The following BCAS3 variants were observed in gnomAD, a reference collection of about 807,000 sequenced individuals.
BCAS3 encodes the protein BCAS3 microtubule associated cell migration factor.
BCAS3 carries 53 observed loss-of-function variants against 116.1 expected under a neutral mutation model. The ratio of observed to expected loss-of-function variants is 0.46; its 90% CI spans 0.37 to 0.57. BCAS3 has a LOEUF of 0.57. Among genes scored for constraint, BCAS3 ranks in the 20% least tolerant of loss-of-function variants. BCAS3 has a pLI of 0.00. For missense variants in BCAS3, 917 were observed against 1,165.4 expected (o/e 0.79, Z 3.10); for synonymous variants, 391 against 408.2 (o/e 0.96, Z 0.51).
chr17:60,833,181 T>C (rs980649808), intron 7 of BCAS3, among the ~76,000 whole-genome samples: 1 of 152,202 alleles, frequency 6.6e-6, no homozygotes, highest in African/African-American at 2.4e-5. Context: ...TTATATATTC[T>C]AAAAGAATCC....
rs55736464 is a variant in BCAS3, at chr17:61,070,366, AAT to A, written c.2030-4521_2030-4520del. On this transcript the variant is annotated intron_variant, in intron 19 of 23. Transcript: ENST00000407086. Reference sequence around the variant, plus strand: ...AACTGAGTCCAGCTGCCTAATTCTGAATATATATATATATATATATATATATA... The same window carrying A: ...AACTGAGTCCAGCTGCCTAATTCTGAATATATATATATATATATATATATA... 4.4e-3 allele frequency: 1,389 copies of A among 313,998 alleles called. 48 individuals carry two copies. Among genetic ancestry groups the A allele is most frequent in the East Asian group, 0.023 (249 of 10,934 alleles). The allele number at this position is 313,998 out of a possible 1,614,324, so 19.5% of individuals were successfully genotyped here.
chr17:61,064,804 C>CT (rs2070438450), intron 19 of BCAS3, among the ~76,000 whole-genome samples: 2 of 152,130 alleles, frequency 1.3e-5, no homozygotes, highest in South Asian at 4.1e-4. Flanking sequence ...ATCTATGGTA[C>CT]TACAGGGTCA....
intron 7 of BCAS3, among the ~76,000 whole-genome samples, chr17:60,808,688 G>A (rs186311522): frequency 1.3e-5 from 2 of 152,268 alleles, no homozygotes; most frequent in Non-Finnish European, 1.5e-5. Flanking sequence ...GCACTTTGCC[G>A]GGTGTAGGAT....
rs2143453959 is a variant in BCAS3 at position 61,362,099 on chromosome 17, G to A, written c.2426-6228G>A. Among the ~76,000 whole-genome samples, 1 of 152,306 alleles carries A rather than the reference G, an allele frequency of 6.6e-6. No individual in the cohort carries two copies. The highest frequency in any genetic ancestry group is 2.1e-4 in the South Asian group (1 of 4,818). ...ATGAAATTGACCATTGCACCAAGAA[G>A]AGCTAATGTCCTCAGCCTGTGCTTA... On this transcript the variant is annotated intron_variant, in intron 22 of 23. Transcript: ENST00000407086. The surrounding 1 kb of genome is among the most constrained non-coding windows in gnomAD (Gnocchi z 4.4).
At chr17:60,771,364 G>GC (rs964790157) in intron 6 of BCAS3, among the ~76,000 whole-genome samples, 3 of 152,106 alleles carry the variant, frequency 2.0e-5, no homozygotes, top group African/African-American at 7.2e-5. Context: ...ACGTAGAAAA[G>GC]CCGTTCTCCT....
In BCAS3 at chr17:60,801,383, T is replaced by A. The variant is rs187226724; in HGVS notation, c.404-6621T>A. ...GGACTAACTGATTCTAGTTTTTTTT[T>A]AATTTTTTTTGTTGATTCCTCTGTA... is the stretch of plus-strand genomic sequence containing the variant. On this transcript the variant is annotated intron_variant, in intron 6 of 23. Transcript: ENST00000407086. Among the ~76,000 whole-genome samples the A allele has an allele frequency of 3.3e-3, 500 of 152,288 alleles. 1 individual carries two copies. The highest frequency in any genetic ancestry group is 8.0e-3 in the African/African-American group (333 of 41,568).
At chr17:60,787,229 G>A (rs1246438151) in intron 6 of BCAS3, among the ~76,000 whole-genome samples, 2 of 152,154 alleles carry the variant, frequency 1.3e-5, no homozygotes, top group African/African-American at 4.8e-5. Context: ...GTATACAGTT[G>A]TAATCTATAC....
At chr17:60,773,886 A>G (rs560513309) in intron 6 of BCAS3, among the ~76,000 whole-genome samples, 52 of 152,206 alleles carry the variant, frequency 3.4e-4, no homozygotes, top group Non-Finnish European at 6.3e-4. Context: ...CACTTAAGTG[A>G]TTGGCCTGCC....
At chr17:60,999,088 T>C (rs754280531) in intron 15 of BCAS3, among the ~76,000 whole-genome samples, 5 of 152,200 alleles carry the variant, frequency 3.3e-5, no homozygotes, top group African/African-American at 2.4e-5. Context: ...CCTTTCCCCA[T>C]TGTTTATTTT....
chr17:61,060,303 T>C (rs1051006916), intron 19 of BCAS3, among the ~76,000 whole-genome samples: 5 of 150,706 alleles, frequency 3.3e-5, no homozygotes, highest in African/African-American at 4.9e-5. Context: ...ATTTTTTTTT[T>C]TTTGTGTATT....
chr17:60,763,228 C>G (rs1238435388), intron 6 of BCAS3, among the ~76,000 whole-genome samples: 1 of 152,158 alleles, frequency 6.6e-6, no homozygotes, highest in Non-Finnish European at 1.5e-5. Flanking sequence ...ACTTCCAACA[C>G]TATGTTGAAT....
chr17:61,101,394 A>G (rs2074319989), intron 22 of BCAS3, among the ~76,000 whole-genome samples: 1 of 152,148 alleles, frequency 6.6e-6, no homozygotes, highest in Non-Finnish European at 1.5e-5. Context: ...GAAAATTCAA[A>G]CTAAAGGAAT....
At chr17:60,823,727 G>T (rs939808171) in intron 7 of BCAS3, among the ~76,000 whole-genome samples, 2 of 152,188 alleles carry the variant, frequency 1.3e-5, no homozygotes, top group Non-Finnish European at 2.9e-5. Context: ...TTTGAGAAAT[G>T]TAAATTGTAT....
intron 11 of BCAS3, among the ~76,000 whole-genome samples, chr17:60,907,835 A>T (rs1446424853): frequency 1.3e-5 from 2 of 152,202 alleles, no homozygotes; most frequent in African/African-American, 4.8e-5. Flanking sequence ...TACTCTGTCT[A>T]CTAAAATTAA....
intron 7 of BCAS3, among the ~76,000 whole-genome samples, chr17:60,848,596 T>G (rs74562015): frequency 1.1e-3 from 173 of 152,332 alleles, no homozygotes; most frequent in African/African-American, 3.9e-3. Flanking sequence ...TGGGCATCCT[T>G]GTCTTGTTCC....
At chr17:60,862,140 G>A (rs919109909) in intron 7 of BCAS3, among the ~76,000 whole-genome samples, 12 of 152,086 alleles carry the variant, frequency 7.9e-5, no homozygotes, top group African/African-American at 2.9e-4. Flanking sequence ...AAAATTAGCC[G>A]GGCATGGTGG....
At chr17:61,005,342 A>G (rs923373005) in intron 15 of BCAS3, among the ~76,000 whole-genome samples, 1 of 151,994 alleles carries the variant, frequency 6.6e-6, no homozygotes, top group Non-Finnish European at 1.5e-5. Flanking sequence ...AGGCAGCTAA[A>G]TGGAGTATTG....
intron 16 of BCAS3, among the ~76,000 whole-genome samples, chr17:61,024,383 A>C (rs1448856880): frequency 1.3e-5 from 2 of 152,114 alleles, no homozygotes; most frequent in Non-Finnish European, 2.9e-5. Flanking sequence ...TTGTCTCTCC[A>C]GTTCCCTTTC....
At chr17:60,976,444 T>A (rs113341035) in intron 14 of BCAS3, among the ~76,000 whole-genome samples, 24,573 of 149,990 alleles carry the variant, frequency 0.16, 2,670 homozygotes, top group African/African-American at 0.32. Flanking sequence ...TATATATATT[T>A]TTTTTTTAGT....
Sources: allele counts gnomAD v4.1 joint callset (sites outside exome capture counted in the v4.1 genomes callset), GRCh38; gene constraint gnomAD v4.1.1; non-coding constraint Gnocchi (gnomAD v3.1); transcripts MANE v1.5; gene names NCBI Gene and HGNC (gene_info 2026-07-23, HGNC 2026-07-21).